Variants in MTERF3 observed in about 807,000 individuals in gnomAD.
MTERF3 encodes the protein mitochondrial transcription termination factor 3.
MTERF3 carries 40 observed loss-of-function variants against 40.5 expected under a neutral mutation model. That is an observed-to-expected ratio of 0.99 (90% CI 0.77 to 1.29). The LOEUF is 1.29. MTERF3 is among the 50% of genes most tolerant of loss of function. The pLI is 0.00. For missense variants in MTERF3, 452 were observed against 478.2 expected (o/e 0.95, Z 0.51); for synonymous variants, 158 against 166.6 (o/e 0.95, Z 0.40).
chr8:96,244,052 T>C lies in MTERF3; in HGVS notation c.926A>G (p.His309Arg), dbSNP rs1326918755. Residue 309 changes from histidine to arginine, a missense_variant, in exon 7 of 8, where the codon CAT becomes CGT. By Grantham distance (29) the His-to-Arg change is conservative. Coordinates refer to ENST00000287025, the MANE Select transcript of MTERF3 (RefSeq NM_015942.5). ...KVYRLELGFK[H>R]NEIQHMITRI... is the part of the protein sequence containing the mutation. ...GGTGATCATATGTTGAATTTCGTTA[T>C]GTTTAAAACCAAGTTCAAGACGATA... The C allele has an allele frequency of 5.6e-6, 9 of 1,613,384 alleles. No individual in the cohort carries two copies. Among genetic ancestry groups the C allele is most frequent in the Non-Finnish European group, 7.6e-6 (9 of 1,179,338 alleles).
intron 7 of MTERF3, among the ~76,000 whole-genome samples, chr8:96,242,910 G>A (rs933132937): frequency 6.6e-6 from 1 of 152,054 alleles, no homozygotes; most frequent in Admixed American, 6.6e-5. Flanking sequence ...CACCAACCCA[G>A]GGAAAAACAA....
At chr8:96,250,234 T>C (rs532342414) in intron 4 of MTERF3, among the ~76,000 whole-genome samples, 1 of 151,756 alleles carries the variant, frequency 6.6e-6, no homozygotes, top group South Asian at 2.1e-4. Flanking sequence ...ATCTCAAATG[T>C]CTAACAACAA....
intron 4 of MTERF3, 112 bp from the exon 5 acceptor site, chr8:96,246,566 AC>A (rs35748156): frequency 4.6e-6 from 4 of 860,840 alleles, no homozygotes; most frequent in Middle Eastern, 7.3e-4. Context: ...AGGCTCCCAC[AC>A]CCTAAATTAC....
At chr8:96,258,837 C>T (rs1335951462) in intron 1 of MTERF3, 137 bp from the exon 2 acceptor site, 26 of 648,012 alleles carry the variant, frequency 4.0e-5, no homozygotes, top group Non-Finnish European at 5.7e-5. Flanking sequence ...TATATTTAGT[C>T]TAAAATAGTG....
chr8:96,257,677 C>T (rs1319995854), intron 2 of MTERF3, among the ~76,000 whole-genome samples: 3 of 151,990 alleles, frequency 2.0e-5, no homozygotes, highest in African/African-American at 4.8e-5. Context: ...TAAAATCAAA[C>T]GCAGCATGGA....
chr8:96,245,858 A>T lies in MTERF3; in HGVS notation c.897+2T>A. The T allele has an allele frequency of 1.2e-6, 2 of 1,612,982 alleles. No homozygotes were observed. The highest frequency in any genetic ancestry group is 1.7e-6 in the Non-Finnish European group (2 of 1,178,992). On this transcript the variant is annotated splice_donor_variant, in intron 6 of 7. Coordinates refer to ENST00000287025, the MANE Select transcript of MTERF3 (RefSeq NM_015942.5). LOFTEE classifies it high-confidence loss of function. ...TTCTCAAAAAGCCTAAAGTTGTCCT[A>T]CCTTCATATTTTCTTTCACGGGTTC...
At chr8:96,243,586 T>C (rs1421809572) in intron 7 of MTERF3, among the ~76,000 whole-genome samples, 1 of 152,182 alleles carries the variant, frequency 6.6e-6, no homozygotes, top group East Asian at 1.9e-4. Context: ...ATATGGCTTA[T>C]TGATTCATGA....
At chr8:96,241,407 G>T (rs147327692) in intron 7 of MTERF3, among the ~76,000 whole-genome samples, 1,926 of 148,140 alleles carry the variant, frequency 0.013, 49 homozygotes, top group African/African-American at 0.043. Context: ...AGACTCCATC[G>T]CAAAAAAAAA....
chr8:96,243,806 T>C (rs1809971352), intron 7 of MTERF3, 113 bp downstream of exon 7: 3 of 1,172,054 alleles, frequency 2.6e-6, no homozygotes, highest in Non-Finnish European at 2.4e-6. Context: ...AGATGGACAT[T>C]TGCGCCCTGC....
intron 4 of MTERF3, among the ~76,000 whole-genome samples, chr8:96,246,888 A>C (rs184463203): frequency 1.3e-5 from 2 of 152,194 alleles, no homozygotes; most frequent in East Asian, 3.9e-4. Flanking sequence ...AAATAACACA[A>C]ATTAAGAAAA....
chr8:96,249,090 T>C (rs770170140), intron 4 of MTERF3, among the ~76,000 whole-genome samples: 2 of 152,190 alleles, frequency 1.3e-5, no homozygotes, highest in Admixed American at 6.5e-5. Context: ...ATATATGGCT[T>C]GAGCAAGTAA....
chr8:96,256,846 T>C, intron 3 of MTERF3, 116 bp downstream of exon 3: 5 of 893,038 alleles, frequency 5.6e-6, no homozygotes, highest in Non-Finnish European at 7.7e-6. Flanking sequence ...TTTATGCTAT[T>C]AGACTTTTGC....
At chr8:96,251,902 G>C (rs1404683432) in intron 3 of MTERF3, among the ~76,000 whole-genome samples, 1 of 152,216 alleles carries the variant, frequency 6.6e-6, no homozygotes, top group East Asian at 1.9e-4. Flanking sequence ...TGGTTAGGCT[G>C]TGTCCCCACC....
At position 96,244,090 on chromosome 8, in the gene MTERF3, A is replaced by G. The variant is rs2129878095; in HGVS notation, c.898-10T>C. The G allele has an allele frequency of 6.2e-7, 1 of 1,604,364 alleles. No homozygotes were observed. Among genetic ancestry groups the G allele is most frequent in the Non-Finnish European group, 8.5e-7 (1 of 1,172,446 alleles). ...GTTCAAGACGATAAACCTAAAAGAA[A>G]GTAAATTTGCTATGAATCGTTATGT... On this transcript the variant is annotated splice_polypyrimidine_tract_variant and intron_variant, in intron 6 of 7. Transcript: ENST00000287025.
chr8:96,257,180 G>T, intron 2 of MTERF3, 66 bp from the exon 3 acceptor site: 1 of 1,453,374 alleles, frequency 6.9e-7, no homozygotes, highest in Non-Finnish European at 9.2e-7. Context: ...GCAAAGACCA[G>T]CTCTTCCCTT....
chr8:96,257,505 T>C (rs1466194429), intron 2 of MTERF3, among the ~76,000 whole-genome samples: 2 of 152,216 alleles, frequency 1.3e-5, no homozygotes, highest in Non-Finnish European at 2.9e-5. Context: ...AAAGTAATCA[T>C]ATCCCGAAAG....
In MTERF3 at chr8:96,250,889, C is replaced by G. The variant is rs1327230215; in HGVS notation, c.677+17G>C. On this transcript the variant is annotated intron_variant, in intron 4 of 7. Transcript: ENST00000287025. ...ACCACTTCTTAGGTTATATGAGAAT[C>G]CTTTTAAAAGTCCTACCTGGTCTTC... 3.1e-6 allele frequency: 5 copies of G among 1,588,038 alleles called. No individual in the cohort carries two copies. In the South Asian group the frequency reaches 5.8e-5, roughly 19 times the overall value.
At chr8:96,260,650 A>T (rs959630485) in intron 1 of MTERF3, among the ~76,000 whole-genome samples, 18 of 152,256 alleles carry the variant, frequency 1.2e-4, no homozygotes, top group African/African-American at 4.1e-4. Context: ...CATCAGGAAG[A>T]CTCACTTTCA....
intron 6 of MTERF3, among the ~76,000 whole-genome samples, chr8:96,244,986 C>T (rs1291623523): frequency 6.6e-6 from 1 of 152,182 alleles, no homozygotes; most frequent in African/African-American, 2.4e-5. Context: ...CCCAAGTACA[C>T]CCACATATGT....
Sources: gnomAD v4.1 joint callset for allele counts (sites outside exome capture counted in the v4.1 genomes callset) on GRCh38, gnomAD v4.1.1 for gene constraint, MANE v1.5 for transcripts, NCBI Gene and HGNC (gene_info 2026-07-23, HGNC 2026-07-21) for gene names.